UBR1: variants seen among roughly 807,000 people sequenced by gnomAD.
UBR1 encodes the protein ubiquitin protein ligase E3 component n-recognin 1, also known as E3 ubiquitin-protein ligase UBR1.
UBR1 carries 102 observed loss-of-function variants against 242.1 expected under a neutral mutation model. The ratio of observed to expected loss-of-function variants is 0.42; its 90% CI spans 0.36 to 0.50. The LOEUF (loss-of-function observed/expected upper bound fraction) is 0.50. Among genes scored for constraint, UBR1 ranks in the 20% least tolerant of loss-of-function variants. UBR1 has a pLI of 0.01. For missense variants in UBR1, 1,772 were observed against 2,101.8 expected, an observed-to-expected ratio of 0.84 and a Z score of 3.07; for synonymous variants, 675 against 684.8, an observed-to-expected ratio of 0.99 and a Z score of 0.22.
chr15:42,950,119 A>G lies in UBR1; in HGVS notation c.5108+143T>C, dbSNP rs1010197655. On this transcript the variant is annotated intron_variant, in intron 46 of 46. Coordinates refer to ENST00000290650, the MANE Select transcript of UBR1 (RefSeq NM_174916.3). ...CTCCCAAAGTGCTAGGAATACAGGT[A>G]TAAGCCACGGTGTCTGGCCTCAATT... 51 of 797,116 alleles carry G rather than the reference A, an allele frequency of 6.4e-5. No individual in the cohort carries two copies. In the Middle Eastern group the frequency reaches 2.1e-3, roughly 33 times the overall value. 49.4% of individuals were successfully genotyped at this position (797,116 alleles called of 1,614,324 possible).
chr15:43,065,980 A>G (rs577277758), intron 6 of UBR1, among the ~76,000 whole-genome samples: 2 of 152,136 alleles, frequency 1.3e-5, no homozygotes, highest in East Asian at 1.9e-4. Flanking sequence ...ATTAGATCCC[A>G]TTTACTAATT....
intron 32 of UBR1, among the ~76,000 whole-genome samples, chr15:43,000,221 C>T (rs192783734): frequency 6.6e-6 from 1 of 152,212 alleles, no homozygotes; most frequent in East Asian, 1.9e-4. Context: ...AATAAAACTG[C>T]TATGTATAAT....
At chr15:42,950,593 A>G (rs1167021112) in intron 45 of UBR1, 14 of 538,516 alleles carry the variant, frequency 2.6e-5, no homozygotes, top group Non-Finnish European at 3.3e-5. Context: ...TGGTGAAATG[A>G]GATCATTTAT....
chr15:42,945,614 CTTCACCAT>C, intron 46 of UBR1, 144 bp from the exon 47 acceptor site: 1 of 865,996 alleles, frequency 1.2e-6, no homozygotes, highest in Non-Finnish European at 1.7e-6. Context: ...GATATTTTCC[CTTCACCAT>C]TGATCACTAA....
intron 43 of UBR1, among the ~76,000 whole-genome samples, 179 bp from the exon 44 acceptor site, chr15:42,958,269 T>C (rs1182406042): frequency 6.6e-6 from 1 of 152,256 alleles, no homozygotes. Flanking sequence ...TCCAAATCTT[T>C]CATCAGCTGG....
At chr15:43,047,364 C>T in intron 13 of UBR1, 75 bp from the exon 14 acceptor site, 1 of 1,602,128 alleles carries the variant, frequency 6.2e-7, no homozygotes, top group Non-Finnish European at 8.5e-7. Flanking sequence ...AAATATAAAA[C>T]TGTCAGGATT....
intron 40 of UBR1, among the ~76,000 whole-genome samples, chr15:42,968,010 T>C (rs1207907738): frequency 6.6e-6 from 1 of 151,792 alleles, no homozygotes; most frequent in Non-Finnish European, 1.5e-5. Flanking sequence ...TATGTATATA[T>C]TACATGCATG....
intron 37 of UBR1, among the ~76,000 whole-genome samples, chr15:42,979,346 T>C (rs140281238): frequency 2.0e-5 from 3 of 151,960 alleles, no homozygotes; most frequent in Non-Finnish European, 4.4e-5. Context: ...GCCATGTAAC[T>C]AGATCAATTT....
Position 43,003,925 on chromosome 15 carries a change from G to A in UBR1, c.3421C>T (p.Leu1141=). The change falls in exon 31 of 47, where the codon CTA becomes TTA. Residue 1141 remains leucine (L), a synonymous_variant. Transcript: ENST00000290650. ...TCTGGATCCATGAAAAGTGGGTCTA[G>A]GGCTTCTGGTACAAGGTATAAAAAG... ...GKPIELSGEA[L]DPLFMDPDLA... The A allele has an allele frequency of 6.2e-7, 1 of 1,614,040 alleles. No homozygotes were observed. The highest frequency in any genetic ancestry group is 8.5e-7 in the Non-Finnish European group (1 of 1,179,964).
intron 44 of UBR1, among the ~76,000 whole-genome samples, chr15:42,955,786 A>G (rs2031909062): frequency 6.6e-6 from 1 of 152,252 alleles, no homozygotes; most frequent in Middle Eastern, 3.2e-3. Flanking sequence ...ATAACTTACA[A>G]CATATTATAG....
intron 46 of UBR1, among the ~76,000 whole-genome samples, chr15:42,946,816 T>C (rs569495978): frequency 6.4e-4 from 98 of 152,212 alleles, no homozygotes; most frequent in African/African-American, 2.3e-3. Flanking sequence ...AATATTTTGT[T>C]AATGCTCAGA....
intron 21 of UBR1, 104 bp from the exon 22 acceptor site, chr15:43,027,932 T>C: frequency 1.0e-6 from 1 of 985,898 alleles, no homozygotes; most frequent in Non-Finnish European, 1.5e-6. Flanking sequence ...ACTTTGTAAA[T>C]AATTTTAAAA....
At chr15:43,055,485 C>T (rs1271122080) in intron 11 of UBR1, among the ~76,000 whole-genome samples, 1 of 152,082 alleles carries the variant, frequency 6.6e-6, no homozygotes, top group Non-Finnish European at 1.5e-5. Context: ...CAAAGATATA[C>T]TTCATGACTT....
intron 33 of UBR1, among the ~76,000 whole-genome samples, chr15:42,991,116 A>T (rs1005414649): frequency 6.6e-6 from 1 of 151,940 alleles, no homozygotes; most frequent in African/African-American, 2.4e-5. Flanking sequence ...CTCTACTAAA[A>T]ATACAAAAAA....
intron 2 of UBR1, among the ~76,000 whole-genome samples, chr15:43,083,893 A>C (rs370426900): frequency 4.6e-5 from 7 of 151,898 alleles, no homozygotes; most frequent in African/African-American, 1.7e-4. Flanking sequence ...AAATACAAAA[A>C]ATTAGCCAGG....
chr15:42,969,180 T>C (rs1245292178), intron 40 of UBR1, among the ~76,000 whole-genome samples: 1 of 152,228 alleles, frequency 6.6e-6, no homozygotes, highest in Non-Finnish European at 1.5e-5. Flanking sequence ...CCAGCACCTG[T>C]TGTTTCCTGA....
rs531623958 is a variant in UBR1 at position 43,043,082 on chromosome 15, C to T, written c.1849+133G>A. 2.6e-4 allele frequency: 243 copies of T among 936,438 alleles called. 2 individuals carry two copies. In the South Asian group the frequency reaches 3.2e-3, roughly 12 times the overall value. The allele number at this position is 936,438 out of a possible 1,614,324, so 58.0% of individuals were successfully genotyped here. On this transcript the variant is annotated intron_variant, in intron 15 of 46. Transcript: ENST00000290650. ...CAGCTCCTTGAAGGACAGTGACAGC[C>T]CTTAACTGCAGTATCTGACCTGAGC...
Position 43,068,006 on chromosome 15 carries a change from A to G in UBR1, c.690T>C (p.Leu230=), listed in dbSNP as rs756425104. ...REKNERYYCV[L]FNDEHHSYDH... ...CATATGAATGGTGTTCATCATTGAAAAGGACACAATAGTATCTTTCATTTT... is the reference window on the plus strand; with the variant it reads ...CATATGAATGGTGTTCATCATTGAAGAGGACACAATAGTATCTTTCATTTT... Residue 230 remains leucine (L), a synonymous_variant, in exon 6 of 47, where the codon CTT becomes CTC. Transcript: ENST00000290650. 1.2e-6 allele frequency: 2 copies of G among 1,612,482 alleles called. No individual in the cohort carries two copies. The highest frequency in any genetic ancestry group is 1.7e-6 in the Non-Finnish European group (2 of 1,178,872).
chr15:43,065,713 C>G (rs946037165), intron 6 of UBR1, among the ~76,000 whole-genome samples: 2 of 152,160 alleles, frequency 1.3e-5, no homozygotes, highest in African/African-American at 4.8e-5. Context: ...CTGCATTTCT[C>G]TAATGATCAA....
Sources: gnomAD v4.1 joint callset for allele counts (sites outside exome capture counted in the v4.1 genomes callset) on GRCh38, gnomAD v4.1.1 for gene constraint, MANE v1.5 for transcripts, NCBI Gene and HGNC (gene_info 2026-07-23, HGNC 2026-07-21) for gene names.